Variants in ZNF627 observed in about 807,000 individuals in gnomAD.
ZNF627 encodes zinc finger protein 627.
In ZNF627, 12 loss-of-function variants were observed where a neutral mutation model predicts 10.6. That is an observed-to-expected ratio of 1.13 (90% CI 0.73 to 1.84). The LOEUF (loss-of-function observed/expected upper bound fraction) is 1.84. ZNF627 is among the 40% of genes most tolerant of loss of function. The pLI, the probability that ZNF627 is intolerant of heterozygous loss-of-function variation, is 0.00. For synonymous variants in ZNF627, 176 were observed against 187.1 expected (o/e 0.94, Z 0.48); for missense variants, 504 against 568.4 (o/e 0.89, Z 1.15).
intron 1 of ZNF627, among the ~76,000 whole-genome samples, chr19:11,608,835 A>G (rs1973717199): frequency 6.6e-6 from 1 of 151,982 alleles, no homozygotes; most frequent in East Asian, 1.9e-4. Flanking sequence ...CCATTTTCTA[A>G]TCAATGTGTT....
rs764280739 is a variant in ZNF627 at position 11,614,545 on chromosome 19, G to A, written c.22G>A (p.Asp8Asn). The change falls in exon 2 of 4, where the codon GAT (aspartate) becomes AAT (asparagine). Residue 8 changes from aspartate to asparagine, a missense_variant. By Grantham distance (23) the Asp-to-Asn change is conservative (BLOSUM62 1). Transcript: ENST00000361113. ...GTTTCAGGATTCAGTGGCCTTTGAG[G>A]ATGTGGCTGTGAACTTCACCCTGGA... is the stretch of plus-strand genomic sequence containing the variant. MDSVAFE[D>N]VAVNFTLEEW... 6.2e-7 allele frequency: 1 copy of A among 1,613,888 alleles called. No individual in the cohort carries two copies. Among genetic ancestry groups the A allele is most frequent in the Non-Finnish European group, 8.5e-7 (1 of 1,179,960 alleles).
At chr19:11,616,520 G>A (rs999730278) in intron 3 of ZNF627, among the ~76,000 whole-genome samples, 175 bp from the exon 4 acceptor site, 3 of 152,170 alleles carry the variant, frequency 2.0e-5, no homozygotes, top group African/African-American at 7.2e-5. Flanking sequence ...CACTTTGGGA[G>A]GCAGAGGTGA....
At chr19:11,605,783 A>G (rs1479522863) in intron 1 of ZNF627, among the ~76,000 whole-genome samples, 1 of 152,098 alleles carries the variant, frequency 6.6e-6, no homozygotes, top group Non-Finnish European at 1.5e-5. Flanking sequence ...ACATTTTAAA[A>G]CAATCATGCC....
chr19:11,603,814 CT>C (rs925059824), intron 1 of ZNF627, among the ~76,000 whole-genome samples: 3 of 150,498 alleles, frequency 2.0e-5, no homozygotes, highest in South Asian at 2.1e-4. Context: ...CCCTACTTTT[CT>C]TTTTTTTTAA....
Position 11,617,302 on chromosome 19 carries a change from C to T in ZNF627, c.799C>T (p.Arg267Ter), listed in dbSNP as rs759133526. ...GKAFSCSKYI[R>*]IHERTHTGEK... ...AGCTTTCAGTTGTTCCAAGTACATT[C>T]GAATCCATGAACGAACTCACACAGG... is the stretch of plus-strand genomic sequence containing the variant. Residue 267 changes from arginine (R) to a stop codon, truncating the protein, a stop_gained, in exon 4 of 4, where the codon CGA becomes TGA. Coordinates refer to ENST00000361113, the MANE Select transcript of ZNF627 (RefSeq NM_145295.4). LOFTEE classifies it low-confidence loss of function (END_TRUNC). 2.6e-5 allele frequency: 42 copies of T among 1,613,700 alleles called. No homozygotes were observed. The highest frequency in any genetic ancestry group is 6.7e-5 in the East Asian group (3 of 44,872).
chr19:11,614,621 T>G lies in ZNF627; in HGVS notation c.98T>G (p.Met33Arg). The G allele has an allele frequency of 6.2e-7, 1 of 1,613,876 alleles. No individual in the cohort carries two copies. The highest frequency in any genetic ancestry group is 8.5e-7 in the Non-Finnish European group (1 of 1,179,972). ...PSQKNLYRDV[M>R]RETFRNLASV... Reference sequence around the variant, plus strand: ...CAGAAGAATCTCTACAGGGATGTGATGCGGGAAACCTTCAGGAACCTGGCT... The same window carrying G: ...CAGAAGAATCTCTACAGGGATGTGAGGCGGGAAACCTTCAGGAACCTGGCT... The change falls in exon 2 of 4, where the codon ATG becomes AGG. Residue 33 changes from methionine to arginine, a missense_variant. Coordinates refer to ENST00000361113, the MANE Select transcript of ZNF627 (RefSeq NM_145295.4).
At chr19:11,612,261 C>T (rs1427832759) in intron 1 of ZNF627, among the ~76,000 whole-genome samples, 1 of 151,594 alleles carries the variant, frequency 6.6e-6, no homozygotes. Context: ...GCTGGGACTA[C>T]AGGCGTCCGC....
rs758416524 is a variant in ZNF627 at position 11,617,231 on chromosome 19, G to A, written c.728G>A (p.Arg243Lys). 3.7e-6 allele frequency: 6 copies of A among 1,613,634 alleles called. No individual in the cohort carries two copies. Among genetic ancestry groups the A allele is most frequent in the African/African-American group, 1.3e-5 (1 of 74,808 alleles). Residue 243 changes from arginine (R) to lysine (K), a missense_variant, in exon 4 of 4, where the codon AGG (arginine) becomes AAG (lysine). Coordinates refer to ENST00000361113, the MANE Select transcript of ZNF627 (RefSeq NM_145295.4). ...SCSSYIRIHE[R>K]THTGDKPYEC... Reference sequence around the variant, plus strand: ...TCCAGTTACATTAGAATACATGAAAGGACTCACACTGGAGATAAACCCTAT... The same window carrying A: ...TCCAGTTACATTAGAATACATGAAAAGACTCACACTGGAGATAAACCCTAT...
intron 1 of ZNF627, among the ~76,000 whole-genome samples, chr19:11,609,600 C>T (rs1186072934): frequency 6.7e-6 from 1 of 149,956 alleles, no homozygotes; most frequent in Non-Finnish European, 1.5e-5. Flanking sequence ...TCACTGCAAC[C>T]TCCGCCTCCT....
At chr19:11,606,765 A>C (rs1475600282) in intron 1 of ZNF627, among the ~76,000 whole-genome samples, 1 of 152,176 alleles carries the variant, frequency 6.6e-6, no homozygotes, top group African/African-American at 2.4e-5. Flanking sequence ...GAGGTTCCCA[A>C]ACCTCAATTC....
chr19:11,615,491 C>A (rs1222735213), intron 3 of ZNF627, among the ~76,000 whole-genome samples: 1 of 148,310 alleles, frequency 6.7e-6, no homozygotes, highest in African/African-American at 2.5e-5. Context: ...GTAATCCCAG[C>A]TACTCGGGAG....
chr19:11,607,787 C>T (rs567593879), intron 1 of ZNF627, among the ~76,000 whole-genome samples: 31 of 152,058 alleles, frequency 2.0e-4, no homozygotes, highest in Admixed American at 6.6e-5. Flanking sequence ...TCTTTTGAGC[C>T]CTCCAAGTCT....
intron 2 of ZNF627, 37 bp from the exon 3 acceptor site, chr19:11,614,790 A>G: frequency 2.5e-6 from 4 of 1,589,454 alleles, no homozygotes; most frequent in Non-Finnish European, 3.4e-6. Context: ...ATAATTTTAT[A>G]CTAATTCATA....
chr19:11,605,097 T>A (rs1973651859), intron 1 of ZNF627, among the ~76,000 whole-genome samples: 1 of 146,774 alleles, frequency 6.8e-6, no homozygotes, highest in African/African-American at 2.5e-5. Context: ...TTTTTTTTTT[T>A]TTTTGAGATG....
intron 1 of ZNF627, among the ~76,000 whole-genome samples, chr19:11,597,933 G>T (rs1973520799): frequency 6.6e-6 from 1 of 152,214 alleles, no homozygotes; most frequent in Non-Finnish European, 1.5e-5. Context: ...GTCTGTGGCC[G>T]CCCCCCACAG....
At chr19:11,612,967 G>A (rs1331785267) in intron 1 of ZNF627, among the ~76,000 whole-genome samples, 1 of 150,810 alleles carries the variant, frequency 6.6e-6, no homozygotes, top group Non-Finnish European at 1.5e-5. Flanking sequence ...TCTCATCTTT[G>A]TACTCATGTC....
chr19:11,597,499 C>A lies in ZNF627; in HGVS notation c.-129C>A. 1 of 1,016,572 alleles carries A rather than the reference C, an allele frequency of 9.8e-7. No individual in the cohort carries two copies. The highest frequency in any genetic ancestry group is 1.3e-6 in the Non-Finnish European group (1 of 775,238). The allele number at this position is 1,016,572 out of a possible 1,614,324, so 63.0% of individuals were successfully genotyped here. On this transcript the variant is annotated 5_prime_UTR_variant, in exon 1 of 4. Coordinates refer to ENST00000361113, the MANE Select transcript of ZNF627 (RefSeq NM_145295.4). ...GGAGCCTTTGTTTCTGGCGACCGTC[C>A]CCACCCGGGCTCGCGTCTCCGTTTC...
At chr19:11,611,234 T>G (rs1334621344) in intron 1 of ZNF627, among the ~76,000 whole-genome samples, 1 of 152,202 alleles carries the variant, frequency 6.6e-6, no homozygotes, top group African/African-American at 2.4e-5. Flanking sequence ...TTTTATATGT[T>G]CTTGATACTA....
chr19:11,603,970 G>A (rs1973631698), intron 1 of ZNF627, among the ~76,000 whole-genome samples: 1 of 151,116 alleles, frequency 6.6e-6, no homozygotes, highest in Non-Finnish European at 1.5e-5. Context: ...ACCACATCTG[G>A]CTAATTTTTT....
Sources: gnomAD v4.1 joint callset for allele counts (sites outside exome capture counted in the v4.1 genomes callset) on GRCh38, gnomAD v4.1.1 for gene constraint, MANE v1.5 for transcripts, NCBI Gene and HGNC (gene_info 2026-07-23, HGNC 2026-07-21) for gene names.